Variants in CALN1 observed in about 807,000 individuals in gnomAD.
CALN1 encodes calcium-binding protein 8.
CALN1 carries 17 observed loss-of-function variants against 30.6 expected under a neutral mutation model. That is an observed-to-expected ratio of 0.56 (90% CI 0.38 to 0.83). CALN1 has a LOEUF of 0.83. Among genes scored for constraint, CALN1 ranks in the 40% least tolerant of loss-of-function variants. The probability of loss-of-function intolerance (pLI) is 0.00; values close to 1 mark genes in which losing one functional copy is unlikely to be tolerated. For synonymous variants in CALN1, 156 were observed against 131.4 expected (o/e 1.19, Z -1.28); for missense variants, 291 against 354.9 (o/e 0.82, Z 1.45).
Position 71,786,742 on chromosome 7 carries a change from C to T in CALN1, c.*1033G>A, listed in dbSNP as rs1349358708. Reference sequence around the variant, plus strand: ...AAGGTAAGATGCACAAGGACCTTAACTTACAAAGGTCATCCGGCATAGAGA... The same window carrying T: ...AAGGTAAGATGCACAAGGACCTTAATTTACAAAGGTCATCCGGCATAGAGA... On this transcript the variant is annotated 3_prime_UTR_variant, in exon 7 of 7. Coordinates refer to ENST00000395275, the MANE Select transcript of CALN1 (RefSeq NM_031468.4). 7 of 151,822 alleles carry T rather than the reference C, an allele frequency of 4.6e-5. No individual in the cohort carries two copies. The highest frequency in any genetic ancestry group is 1.5e-4 in the African/African-American group (6 of 41,354). The allele number at this position is 151,822 out of a possible 1,614,324, so 9.4% of individuals were successfully genotyped here.
chr7:71,789,230 G>A (rs545721708), intron 6 of CALN1, among the ~76,000 whole-genome samples: 126 of 151,858 alleles, frequency 8.3e-4, no homozygotes, highest in Non-Finnish European at 1.6e-3. Context: ...CAGCCTGGCC[G>A]ACATGGTGAA....
intron 3 of CALN1, among the ~76,000 whole-genome samples, chr7:72,152,040 C>T (rs1787294356): frequency 6.6e-6 from 1 of 151,578 alleles, no homozygotes; most frequent in African/African-American, 2.4e-5. Flanking sequence ...TCCCAGGTAG[C>T]TTGGATTACA....
intron 5 of CALN1, among the ~76,000 whole-genome samples, chr7:71,909,268 C>T (rs560716653): frequency 2.0e-5 from 3 of 152,266 alleles, no homozygotes; most frequent in East Asian, 1.9e-4. Flanking sequence ...GTATTACAGG[C>T]GTGAGCCACT....
chr7:72,304,317 T>A (rs1228911329), intron 2 of CALN1, among the ~76,000 whole-genome samples: 1 of 152,172 alleles, frequency 6.6e-6, no homozygotes, highest in Non-Finnish European at 1.5e-5. Context: ...AGAGATCCCA[T>A]TTCAAGTGGA....
chr7:72,416,711 G>A (rs1341967677), upstream of CALN1, among the ~76,000 whole-genome samples: 2 of 145,950 alleles, frequency 1.4e-5, no homozygotes, highest in African/African-American at 2.6e-5. Context: ...CTCCAGCCTG[G>A]GCGGCAAAGT....
intron 4 of CALN1, among the ~76,000 whole-genome samples, chr7:72,094,755 T>C (rs1375756253): frequency 1.3e-5 from 2 of 152,212 alleles, no homozygotes; most frequent in East Asian, 1.9e-4. Flanking sequence ...TCCACTACCA[T>C]TCCATGTCCC....
At chr7:71,912,550 A>T (rs1794479349) in intron 5 of CALN1, among the ~76,000 whole-genome samples, 1 of 152,188 alleles carries the variant, frequency 6.6e-6, no homozygotes. Context: ...CTTTAATACA[A>T]GGTAGGGAAT....
At chr7:71,826,012 G>A (rs1343666270) in intron 5 of CALN1, among the ~76,000 whole-genome samples, 3 of 130,486 alleles carry the variant, frequency 2.3e-5, no homozygotes, top group African/African-American at 3.0e-5. Context: ...CAGCCTGGGG[G>A]ACAGAGCGAG....
intron 2 of CALN1, among the ~76,000 whole-genome samples, chr7:72,379,284 C>T (rs1300816968): frequency 6.6e-6 from 1 of 152,116 alleles, no homozygotes; most frequent in East Asian, 1.9e-4. Context: ...TGTGAAGCAC[C>T]ACACCCGGCC....
intron 4 of CALN1, among the ~76,000 whole-genome samples, chr7:72,084,928 T>C (rs968494112): frequency 5.9e-5 from 9 of 152,174 alleles, no homozygotes; most frequent in Non-Finnish European, 1.3e-4. Context: ...TAAAATCTCA[T>C]GCCATCCCAC....
chr7:71,936,871 C>G (rs1377378520), intron 5 of CALN1, among the ~76,000 whole-genome samples: 1 of 152,098 alleles, frequency 6.6e-6, no homozygotes, highest in African/African-American at 2.4e-5. Context: ...GTGAGTAAGT[C>G]TCATGAGATC....
At chr7:71,849,673 T>G (rs1205158413) in intron 5 of CALN1, among the ~76,000 whole-genome samples, 1 of 152,174 alleles carries the variant, frequency 6.6e-6, no homozygotes, top group Non-Finnish European at 1.5e-5. Context: ...AGGCAGGATG[T>G]TATTCAGTTG....
intron 3 of CALN1, among the ~76,000 whole-genome samples, chr7:72,168,877 C>T (rs1456822931): frequency 6.7e-6 from 1 of 149,704 alleles, no homozygotes; most frequent in Non-Finnish European, 1.5e-5. Flanking sequence ...GACACTGCGG[C>T]TCATTGCAAC....
chr7:71,932,026 T>C (rs1795580682), intron 5 of CALN1, among the ~76,000 whole-genome samples: 1 of 152,126 alleles, frequency 6.6e-6, no homozygotes, highest in Admixed American at 6.6e-5. Context: ...ATTAAGGTGG[T>C]AGCTTCTGGA....
intron 2 of CALN1, among the ~76,000 whole-genome samples, chr7:72,338,347 C>G (rs1802196763): frequency 6.6e-6 from 1 of 152,170 alleles, no homozygotes; most frequent in Admixed American, 6.5e-5. Flanking sequence ...AAATTTCACA[C>G]CAATCAGAAC....
intron 3 of CALN1, among the ~76,000 whole-genome samples, chr7:72,244,964 G>A (rs990250870): frequency 1.3e-5 from 2 of 152,104 alleles, no homozygotes; most frequent in African/African-American, 4.8e-5. Context: ...AAATCGTGGT[G>A]TGGAGAGATG....
intron 4 of CALN1, among the ~76,000 whole-genome samples, chr7:72,096,285 T>C (rs1055524588): frequency 2.0e-5 from 3 of 152,148 alleles, no homozygotes; most frequent in Non-Finnish European, 2.9e-5. Context: ...CAGGGGTGAC[T>C]GAACCCCTAA....
intron 2 of CALN1, among the ~76,000 whole-genome samples, chr7:72,346,262 T>G (rs951706732): frequency 6.6e-6 from 1 of 152,212 alleles, no homozygotes; most frequent in Non-Finnish European, 1.5e-5. Flanking sequence ...TGGTGTTCTC[T>G]CTTTCCTCCT....
At chr7:72,225,044 G>A (rs1793573390) in intron 3 of CALN1, among the ~76,000 whole-genome samples, 2 of 151,568 alleles carry the variant, frequency 1.3e-5, no homozygotes, top group African/African-American at 2.4e-5. Context: ...GGAGCTTGCA[G>A]TGAGCAGAGA....
Sources: allele counts gnomAD v4.1 joint callset (sites outside exome capture counted in the v4.1 genomes callset), GRCh38; gene constraint gnomAD v4.1.1; transcripts MANE v1.5; gene names NCBI Gene and HGNC (gene_info 2026-07-23, HGNC 2026-07-21).